FMNL3: variants seen among roughly 807,000 people sequenced by gnomAD.
FMNL3 encodes the protein formin like 3, also known as formin-like protein 3.
In FMNL3, 57 loss-of-function variants were observed where a neutral mutation model predicts 119.6. The observed-to-expected ratio is 0.48, with a 90% CI of 0.39 to 0.59. The LOEUF is 0.59. Ranked by LOEUF, FMNL3 falls within the 20% of genes least tolerant of loss-of-function variation. The pLI is 0.00. For synonymous variants in FMNL3, 491 were observed against 507.3 expected (o/e 0.97, Z 0.43); for missense variants, 1,053 against 1,323.5 (o/e 0.80, Z 3.17).
intron 1 of FMNL3, among the ~76,000 whole-genome samples, chr12:49,693,435 T>C (rs1239887635): frequency 1.3e-5 from 2 of 151,812 alleles, no homozygotes; most frequent in Non-Finnish European, 2.9e-5. Flanking sequence ...TGGAGTACAG[T>C]GGTGCCATCT....
intron 12 of FMNL3, 105 bp downstream of exon 12, chr12:49,653,620 A>G: frequency 6.6e-7 from 1 of 1,524,208 alleles, no homozygotes; most frequent in South Asian, 1.3e-5. Context: ...TGGGTTCTAA[A>G]GCCTCCCTGG....
Position 49,653,325 on chromosome 12 carries a change from G to C in FMNL3, c.1224C>G (p.Leu408=). 1 of 1,613,814 alleles carries C rather than the reference G, an allele frequency of 6.2e-7. No individual in the cohort carries two copies. Reference sequence around the variant, plus strand: ...TCTCTAGGTCCAGAAGCTTCTCTGTGAGCTGCACAACAGGAAGGGCAGGTT... The same window carrying C: ...TCTCTAGGTCCAGAAGCTTCTCTGTCAGCTGCACAACAGGAAGGGCAGGTT... ...VEELEEHVSH[L]TEKLLDLENE... is the part of the protein sequence containing the mutation. The change falls in exon 13 of 26, where the codon CTC becomes CTG. Residue 408 remains leucine (L), a splice_region_variant and synonymous_variant. Transcript: ENST00000335154.
rs1592600804 is a variant in FMNL3, at chr12:49,637,420, G to C, written c.*8395C>G. On this transcript the variant is annotated 3_prime_UTR_variant, in exon 26 of 26. Coordinates refer to ENST00000335154, the MANE Select transcript of FMNL3 (RefSeq NM_175736.5). ...TCCCTCTCTTCCCCCTCAGTCTGTG[G>C]CTCTGCCTCCCTGTCTCACTCTCCC... The C allele has an allele frequency of 7.6e-7, 1 of 1,314,436 alleles. No homozygotes were observed. The highest frequency in any genetic ancestry group is 1.1e-6 in the Non-Finnish European group (1 of 915,614). 81.4% of individuals were successfully genotyped at this position (1,314,436 alleles called of 1,614,324 possible).
chr12:49,639,902 G>A lies in FMNL3; in HGVS notation c.*5913C>T, dbSNP rs181876187. On this transcript the variant is annotated 3_prime_UTR_variant, in exon 26 of 26. Coordinates refer to ENST00000335154, the MANE Select transcript of FMNL3 (RefSeq NM_175736.5). The stretch of plus-strand genomic sequence containing the variant: ...AAATATATTTTAAAACAGAATAATC[G>A]TATAAAGTAGAAATGCCTTATCCTG... 26 of 152,288 alleles carry A rather than the reference G, an allele frequency of 1.7e-4. No individual in the cohort carries two copies. Among genetic ancestry groups the A allele is most frequent in the Admixed American group, 5.2e-4 (8 of 15,296 alleles). 9.4% of individuals were successfully genotyped at this position (152,288 alleles called of 1,614,324 possible). A position where few individuals can be genotyped will look rare whatever the true frequency, so the allele number is the denominator to read the frequency against.
chr12:49,688,257 C>G, intron 1 of FMNL3, among the ~76,000 whole-genome samples: 1 of 152,188 alleles, frequency 6.6e-6, no homozygotes, highest in Non-Finnish European at 1.5e-5. Flanking sequence ...AGGGGACAGT[C>G]TAGCGAGAAG....
At position 49,645,655 on chromosome 12, in the gene FMNL3, G is replaced by A; in HGVS notation, c.*160C>T. On this transcript the variant is annotated 3_prime_UTR_variant, in exon 26 of 26. Transcript: ENST00000335154. ...AGCACCAGGGACCTACAGACCTAGTGCCCATAGTGGCACAAGTAGAAAGAT... is the reference window on the plus strand; with the variant it reads ...AGCACCAGGGACCTACAGACCTAGTACCCATAGTGGCACAAGTAGAAAGAT... 1 of 606,218 alleles carries A rather than the reference G, an allele frequency of 1.6e-6. No individual in the cohort carries two copies. The allele number at this position is 606,218 out of a possible 1,614,324, so 37.6% of individuals were successfully genotyped here. A position where few individuals can be genotyped will look rare whatever the true frequency, so the allele number is the denominator to read the frequency against.
At chr12:49,692,987 C>A (rs1385746984) in intron 1 of FMNL3, among the ~76,000 whole-genome samples, 1 of 152,082 alleles carries the variant, frequency 6.6e-6, no homozygotes, top group Non-Finnish European at 1.5e-5. Flanking sequence ...AGGAGCTTGT[C>A]CTGAACGAAA....
chr12:49,668,455 T>G lies in FMNL3; in HGVS notation c.210+16A>C. On this transcript the variant is annotated intron_variant, in intron 2 of 25. Transcript: ENST00000335154. ...ACACAACTCCCTACCTCCCTCCTCT[T>G]TCCCAAACCCCATACCTGGTCACAG... is the stretch of plus-strand genomic sequence containing the variant. 1.2e-6 allele frequency: 2 copies of G among 1,613,292 alleles called. No individual in the cohort carries two copies. The highest frequency in any genetic ancestry group is 4.5e-5 in the East Asian group (2 of 44,856).
In FMNL3 at chr12:49,637,630, GC is replaced by G; in HGVS notation, c.*8184del. The G allele has an allele frequency of 1.9e-6, 3 of 1,589,090 alleles. No homozygotes were observed. Among genetic ancestry groups the G allele is most frequent in the Non-Finnish European group, 2.6e-6 (3 of 1,160,276 alleles). ...CTTCTCTGGCCTGGCTTCCTGCCCTGCCAGCCTCTCTGCACCCCCTACTACC... is the reference window on the plus strand; with the variant it reads ...CTTCTCTGGCCTGGCTTCCTGCCCTGCAGCCTCTCTGCACCCCCTACTACC... On this transcript the variant is annotated 3_prime_UTR_variant, in exon 26 of 26. Transcript: ENST00000335154.
chr12:49,642,160 T>A lies in FMNL3; in HGVS notation c.*3655A>T. 1 of 1,611,680 alleles carries A rather than the reference T, an allele frequency of 6.2e-7. No homozygotes were observed. Among genetic ancestry groups the A allele is most frequent in the South Asian group, 1.1e-5 (1 of 90,906 alleles). On this transcript the variant is annotated 3_prime_UTR_variant, in exon 26 of 26. Coordinates refer to ENST00000335154, the MANE Select transcript of FMNL3 (RefSeq NM_175736.5). This position sits in a 1 kb window ranked among gnomAD's most constrained non-coding sequence, Gnocchi z 5.8. ...GAAGCCCAGACCCTAACTTTCCACC[T>A]CCTAAGGTATGCCTGAGTGGGACCT... is the stretch of plus-strand genomic sequence containing the variant.
intron 1 of FMNL3, among the ~76,000 whole-genome samples, chr12:49,673,403 G>C (rs1366850717): frequency 6.6e-6 from 1 of 152,236 alleles, no homozygotes; most frequent in African/African-American, 2.4e-5. Context: ...ATGTTCCCAT[G>C]TTCCCACTAG....
At chr12:49,705,842 T>TG (rs1281174348) in intron 1 of FMNL3, among the ~76,000 whole-genome samples, 1 of 152,204 alleles carries the variant, frequency 6.6e-6, no homozygotes, top group Admixed American at 6.5e-5. Context: ...CTGGTGCCAG[T>TG]GGGCTGATGT....
intron 4 of FMNL3, among the ~76,000 whole-genome samples, chr12:49,662,406 C>A (rs1943761242): frequency 6.6e-6 from 1 of 152,190 alleles, no homozygotes; most frequent in South Asian, 2.1e-4. Context: ...TAGGAAGCAT[C>A]AAGAGCATTT....
In FMNL3 at chr12:49,640,572, CAT is replaced by C. The variant is rs564324612; in HGVS notation, c.*5241_*5242del. On this transcript the variant is annotated 3_prime_UTR_variant, in exon 26 of 26. Coordinates refer to ENST00000335154, the MANE Select transcript of FMNL3 (RefSeq NM_175736.5). ...TCATGGAGGTGGCATGGGGGCAGCA[CAT>C]GTTTTAGAGTCAGATTACTCCTGGT... The C allele has an allele frequency of 3.5e-3, 533 of 152,242 alleles. 6 individuals are homozygous for C. Among genetic ancestry groups the C allele is most frequent in the Non-Finnish European group, 3.3e-3 (223 of 68,008 alleles). The allele number at this position is 152,242 out of a possible 1,614,324, so 9.4% of individuals were successfully genotyped here.
At chr12:49,665,775 G>A in intron 4 of FMNL3, 57 bp downstream of exon 4, 2 of 1,551,460 alleles carry the variant, frequency 1.3e-6, no homozygotes, top group Admixed American at 1.7e-5. Flanking sequence ...CAGACCCTGT[G>A]TGCCCAGCCA....
At chr12:49,665,206 C>T (rs370091100) in intron 4 of FMNL3, among the ~76,000 whole-genome samples, 2 of 151,420 alleles carry the variant, frequency 1.3e-5, no homozygotes, top group South Asian at 4.2e-4. Context: ...TCAGCAATTC[C>T]TGGTTTCCCA....
chr12:49,661,290 G>A (rs908987605), intron 5 of FMNL3, among the ~76,000 whole-genome samples: 2 of 152,170 alleles, frequency 1.3e-5, no homozygotes, highest in African/African-American at 4.8e-5. Context: ...ACCCTGGAAT[G>A]TGGATCTCCT....
At chr12:49,688,735 A>G (rs1397329307) in intron 1 of FMNL3, 1 of 307,258 alleles carries the variant, frequency 3.3e-6, no homozygotes. Context: ...TGAGAGGGAC[A>G]GCAGCCCAGA....
At position 49,647,915 on chromosome 12, in the gene FMNL3, A is replaced by C; in HGVS notation, c.2677-111T>G. On this transcript the variant is annotated intron_variant, in intron 22 of 25. Coordinates refer to ENST00000335154, the MANE Select transcript of FMNL3 (RefSeq NM_175736.5). This position sits in a 1 kb window ranked among gnomAD's most constrained non-coding sequence, Gnocchi z 4.9. The stretch of plus-strand genomic sequence containing the variant: ...AGAGCCCAGGGCCAAAGGGAGGAAA[A>C]CCAAGCACCCAGGCCCCTGTGAGCT... The C allele has an allele frequency of 1.1e-6, 1 of 917,628 alleles. No homozygotes were observed. Among genetic ancestry groups the C allele is most frequent in the Non-Finnish European group, 1.6e-6 (1 of 606,388 alleles). The allele number at this position is 917,628 out of a possible 1,614,324, so 56.8% of individuals were successfully genotyped here.
Sources: gnomAD v4.1 joint callset for allele counts (sites outside exome capture counted in the v4.1 genomes callset) on GRCh38, gnomAD v4.1.1 for gene constraint, Gnocchi (gnomAD v3.1) non-coding constraint, MANE v1.5 for transcripts, NCBI Gene and HGNC (gene_info 2026-07-23, HGNC 2026-07-21) for gene names.